The following NR1I2 variants were observed in gnomAD, a reference collection of about 807,000 sequenced individuals.
NR1I2 encodes orphan nuclear receptor PAR1.
Under a neutral mutation model 43.3 loss-of-function variants are expected in NR1I2, and 42 were observed. That is an observed-to-expected ratio of 0.97 (90% CI 0.76 to 1.26). The LOEUF (loss-of-function observed/expected upper bound fraction) is 1.26. Ranked by LOEUF, NR1I2 falls within the 50% of genes most tolerant of loss-of-function variation. NR1I2 has a pLI of 0.00. For synonymous variants in NR1I2, 229 were observed against 215.0 expected, an observed-to-expected ratio of 1.06 and a Z score of -0.57; for missense variants, 559 against 566.7, an observed-to-expected ratio of 0.99 and a Z score of 0.14.
At chr3:119,810,333 C>G in intron 3 of NR1I2, 139 bp downstream of exon 3, 1 of 1,344,968 alleles carries the variant, frequency 7.4e-7, no homozygotes, top group South Asian at 1.5e-5. Context: ...AGCTGGTGTC[C>G]GTGTGCAACA....
chr3:119,815,965 CT>C (rs570649984), intron 8 of NR1I2, 134 bp downstream of exon 8: 2 of 735,580 alleles, frequency 2.7e-6, no homozygotes, highest in African/African-American at 3.5e-5. Flanking sequence ...AAAGCTCACA[CT>C]TTTGAGCACT....
At chr3:119,815,148 G>T in intron 6 of NR1I2, 27 bp downstream of exon 6, 1 of 1,614,020 alleles carries the variant, frequency 6.2e-7, no homozygotes, top group Non-Finnish European at 8.5e-7. Flanking sequence ...GCCTGCCCTG[G>T]CAGAGGGAGG....
At chr3:119,782,853 G>A (rs2054794598) in intron 1 of NR1I2, 6 of 1,612,996 alleles carry the variant, frequency 3.7e-6, no homozygotes, top group Non-Finnish European at 5.1e-6. Flanking sequence ...CTTCAAACCA[G>A]TGAGTTTTCT....
At chr3:119,802,954 G>A in intron 1 of NR1I2, 1 of 456,696 alleles carries the variant, frequency 2.2e-6, no homozygotes, top group South Asian at 1.5e-5. Flanking sequence ...CATCCCCAGT[G>A]TGATGGCTTT....
intron 1 of NR1I2, among the ~76,000 whole-genome samples, chr3:119,788,788 T>C (rs1288291686): frequency 6.6e-6 from 1 of 152,192 alleles, no homozygotes; most frequent in Non-Finnish European, 1.5e-5. Context: ...TTCACATATC[T>C]CTTTGATTAT....
chr3:119,812,856 C>CA lies in NR1I2; in HGVS notation c.691dup (p.Ser231LysfsTer15), dbSNP rs745494899. ...TCTGGAACTACAAACCCCCAGCCGA[C>CA]AGTGGCGGGAAAGAGATCTTCTCCC... On this transcript the variant is annotated frameshift_variant, in exon 5 of 9. Transcript: ENST00000393716. LOFTEE classifies it high-confidence loss of function. 1.2e-5 allele frequency: 20 copies of CA among 1,614,116 alleles called. No homozygotes were observed. The South Asian group carries it at 1.5e-4, about 12-fold the overall frequency.
At chr3:119,784,007 C>A (rs2054812294) in intron 1 of NR1I2, among the ~76,000 whole-genome samples, 3 of 152,200 alleles carry the variant, frequency 2.0e-5, no homozygotes, top group African/African-American at 7.2e-5. Flanking sequence ...TCCAATTTTT[C>A]AGTCTTACCA....
intron 2 of NR1I2, among the ~76,000 whole-genome samples, chr3:119,808,141 C>T (rs1451224129): frequency 6.6e-6 from 1 of 152,188 alleles, no homozygotes; most frequent in Non-Finnish European, 1.5e-5. Flanking sequence ...ACACTTGTCG[C>T]CAATTGGTTT....
intron 1 of NR1I2, among the ~76,000 whole-genome samples, chr3:119,804,878 C>A (rs1422640531): frequency 1.3e-5 from 2 of 152,074 alleles, no homozygotes; most frequent in African/African-American, 2.4e-5. Flanking sequence ...CCAAGTTATG[C>A]ATTCTATTTT....
At chr3:119,812,241 C>T (rs1166213878) in intron 4 of NR1I2, among the ~76,000 whole-genome samples, 1 of 152,086 alleles carries the variant, frequency 6.6e-6, no homozygotes, top group Admixed American at 6.5e-5. Context: ...TGCCCTCCTT[C>T]CCCTTTGCAC....
At chr3:119,805,331 AT>A (rs750647581) in intron 1 of NR1I2, among the ~76,000 whole-genome samples, 1 of 152,038 alleles carries the variant, frequency 6.6e-6, no homozygotes, top group African/African-American at 2.4e-5. Flanking sequence ...ATTTGCTCAT[AT>A]TTCTTTGAAA....
intron 1 of NR1I2, 36 bp from the exon 2 acceptor site, chr3:119,807,193 C>T (rs750207144): frequency 1.3e-5 from 21 of 1,574,658 alleles, no homozygotes; most frequent in Non-Finnish European, 1.8e-5. Flanking sequence ...CATCCCTGTC[C>T]AGTCTTTTCA....
At chr3:119,805,153 A>G (rs1173428351) in intron 1 of NR1I2, among the ~76,000 whole-genome samples, 1 of 151,154 alleles carries the variant, frequency 6.6e-6, no homozygotes, top group Non-Finnish European at 1.5e-5. Context: ...TTCTTTGTTT[A>G]TGTCTTCAAC....
At chr3:119,816,303 C>A (rs1184865456) in intron 8 of NR1I2, among the ~76,000 whole-genome samples, 1 of 152,058 alleles carries the variant, frequency 6.6e-6, no homozygotes. Context: ...CTGGAAGTGC[C>A]AACTTTCTTT....
At position 119,815,089 on chromosome 3, in the gene NR1I2, GC is replaced by G. The variant is rs1276797314; in HGVS notation, c.907del (p.Arg303GlyfsTer22). 1 of 1,614,018 alleles carries G rather than the reference GC, an allele frequency of 6.2e-7. No individual in the cohort carries two copies. Among genetic ancestry groups the G allele is most frequent in the Non-Finnish European group, 8.5e-7 (1 of 1,180,050 alleles). ...GCGGAGACTGGAACCTGGGAGTGTG[GC>G]CGGCTGTCCTACTGCTTGGAAGACA... On this transcript the variant is annotated frameshift_variant, in exon 6 of 9. Transcript: ENST00000393716. LOFTEE classifies it high-confidence loss of function.
intron 1 of NR1I2, among the ~76,000 whole-genome samples, chr3:119,789,639 T>A (rs2054890624): frequency 6.6e-6 from 1 of 152,170 alleles, no homozygotes; most frequent in African/African-American, 2.4e-5. Flanking sequence ...ATATCAACTA[T>A]TGATGTTACT....
In NR1I2 at chr3:119,811,621, G is replaced by T. The variant is rs142200562; in HGVS notation, c.414G>T (p.Leu138=). ...GTGAACGGACAGGGACTCAGCCACT[G>T]GGAGTGCAGGGGCTGACAGAGGAGC... The change falls in exon 4 of 9, where the codon CTG becomes CTT. Residue 138 remains leucine, a synonymous_variant. Transcript: ENST00000393716. 31 of 1,613,924 alleles carry T rather than the reference G, an allele frequency of 1.9e-5. No homozygotes were observed. The highest frequency in any genetic ancestry group is 2.7e-5 in the African/African-American group (2 of 74,924).
chr3:119,809,017 C>A (rs2055197842), intron 2 of NR1I2, among the ~76,000 whole-genome samples: 1 of 152,144 alleles, frequency 6.6e-6, no homozygotes. Context: ...GTCCGAGGCC[C>A]GAGGCCTCCA....
At chr3:119,782,428 G>A (rs2054785797) in intron 1 of NR1I2, 128 bp downstream of exon 1, 1 of 308,142 alleles carries the variant, frequency 3.2e-6, no homozygotes, top group Non-Finnish European at 6.3e-6. Flanking sequence ...GAATCATGTT[G>A]GCCTTGCTGC....
Sources: gnomAD v4.1 joint callset for allele counts (sites outside exome capture counted in the v4.1 genomes callset) on GRCh38, gnomAD v4.1.1 for gene constraint, MANE v1.5 for transcripts, NCBI Gene and HGNC (gene_info 2026-07-23, HGNC 2026-07-21) for gene names.